CAPS2: variants seen among roughly 807,000 people sequenced by gnomAD.
The protein encoded by CAPS2 is calcyphosine 2.
A neutral mutation model predicts 86.5 loss-of-function variants in CAPS2; 98 were observed. The observed-to-expected ratio is 1.13, with a 90% CI of 0.96 to 1.34. The LOEUF is 1.34. CAPS2 is among the 40% of genes most tolerant of loss of function. The pLI is 0.00. For missense variants in CAPS2, 729 were observed against 686.8 expected (o/e 1.06, Z -0.69); for synonymous variants, 210 against 225.1 (o/e 0.93, Z 0.60).
chr12:75,383,203 A>G (rs2045097923), intron 1 of CAPS2, among the ~76,000 whole-genome samples: 1 of 152,210 alleles, frequency 6.6e-6, no homozygotes, highest in Non-Finnish European at 1.5e-5. Context: ...GAAGTATATA[A>G]TGGGAGCTGA....
At chr12:75,334,752 T>C (rs193047456), upstream of CAPS2, 66 of 1,613,888 alleles carry the variant, frequency 4.1e-5, no homozygotes, top group East Asian at 1.4e-3. Flanking sequence ...ATAAATTCAG[T>C]TGTTTATGGA....
rs1326822096 is a variant in CAPS2, at chr12:75,282,798, T to TA, written c.1516-452dup. On this transcript the variant is annotated intron_variant, in intron 15 of 16. Coordinates refer to ENST00000393284, the Ensembl canonical transcript of CAPS2. ...AGACATTTTAAAAGTACTATACTGATACACAAAAGAACAATTATAAATACA... is the reference window on the plus strand; with the variant it reads ...AGACATTTTAAAAGTACTATACTGATAACACAAAAGAACAATTATAAATACA... 2.6e-5 allele frequency among the ~76,000 whole-genome samples: 4 copies of TA among 152,314 alleles called. No homozygotes were observed. In the South Asian group the frequency reaches 8.3e-4, roughly 32 times the overall value.
exon 17 of CAPS2, chr12:75,277,509 C>G (rs955694612): frequency 1.1e-6 from 1 of 909,490 alleles, no homozygotes; most frequent in African/African-American, 1.8e-5. Context: ...ATTTTAATAA[C>G]CTAATTTTTA....
chr12:75,278,791 A>G (rs2033342896), exon 17 of CAPS2: 1 of 1,348,294 alleles, frequency 7.4e-7, no homozygotes, highest in Non-Finnish European at 9.5e-7. Flanking sequence ...GAATAAAGGA[A>G]GTCCTAGGAA....
chr12:75,337,261 T>C (rs2041799495), intron 1 of CAPS2, among the ~76,000 whole-genome samples: 1 of 151,684 alleles, frequency 6.6e-6, no homozygotes, highest in South Asian at 2.1e-4. Flanking sequence ...CATAATTTGA[T>C]GAAATTGAAA....
At chr12:75,276,812 T>C, downstream of CAPS2, 2 of 920,746 alleles carry the variant, frequency 2.2e-6, no homozygotes, top group Non-Finnish European at 2.6e-6. Flanking sequence ...TACATAACTA[T>C]AAAATTCATG....
At chr12:75,277,977 C>T in exon 17 of CAPS2, 1 of 885,098 alleles carries the variant, frequency 1.1e-6, no homozygotes, top group Non-Finnish European at 1.4e-6. Context: ...GAATATCATA[C>T]ATTCATTTTA....
intron 1 of CAPS2, among the ~76,000 whole-genome samples, chr12:75,387,163 G>T (rs2045333780): frequency 6.6e-6 from 1 of 152,078 alleles, no homozygotes; most frequent in Non-Finnish European, 1.5e-5. Context: ...GAAGATATAT[G>T]CAATAAAAAC....
intron 10 of CAPS2, 22 bp from the exon 11 acceptor site, chr12:75,298,802 A>C (rs770749333): frequency 5.6e-6 from 9 of 1,607,150 alleles, no homozygotes; most frequent in Non-Finnish European, 6.0e-6. Flanking sequence ...ATGAAAAAAA[A>C]ATGGAAAGTT....
intron 1 of CAPS2, among the ~76,000 whole-genome samples, chr12:75,388,440 GA>G (rs1212502543): frequency 2.0e-5 from 3 of 152,058 alleles, no homozygotes; most frequent in African/African-American, 7.2e-5. Flanking sequence ...TCCAGAAAAT[GA>G]AAAATTATTC....
chr12:75,364,382 A>T (rs561460581), intron 1 of CAPS2, among the ~76,000 whole-genome samples: 1 of 152,356 alleles, frequency 6.6e-6, no homozygotes, highest in Non-Finnish European at 1.5e-5. Flanking sequence ...CATAGGCAAG[A>T]TCAATGGCCA....
chr12:75,311,699 GGAAAAAAA>G (rs1365897198), intron 7 of CAPS2, among the ~76,000 whole-genome samples: 2 of 16,994 alleles, frequency 1.2e-4, no homozygotes, highest in African/African-American at 2.5e-4. Context: ...AAGCCATGCA[GGAAAAAAA>G]AAAACAAAAA....
intron 1 of CAPS2, among the ~76,000 whole-genome samples, chr12:75,357,187 C>T (rs2043210068): frequency 6.6e-6 from 1 of 152,022 alleles, no homozygotes; most frequent in African/African-American, 2.4e-5. Flanking sequence ...GAGACTCCAT[C>T]GCTAAATAAA....
At chr12:75,328,278 A>C (rs1219473737), upstream of CAPS2, among the ~76,000 whole-genome samples, 1 of 152,230 alleles carries the variant, frequency 6.6e-6, no homozygotes, top group Non-Finnish European at 1.5e-5. Context: ...AACAATCAGC[A>C]AAGTGATTTT....
chr12:75,313,668 A>C (rs1010317603), intron 6 of CAPS2, among the ~76,000 whole-genome samples: 4 of 152,232 alleles, frequency 2.6e-5, no homozygotes, highest in African/African-American at 9.6e-5. Flanking sequence ...AGGTTAAAAA[A>C]TTAAGAGGTC....
intron 1 of CAPS2, chr12:75,369,742 G>A (rs1456803953): frequency 4.1e-6 from 4 of 984,952 alleles, no homozygotes; most frequent in African/African-American, 1.7e-5. Context: ...AACACTCAGA[G>A]GTGTTTTAGA....
At chr12:75,333,727 T>C (rs985312282), upstream of CAPS2, 1 of 152,226 alleles carries the variant, frequency 6.6e-6, no homozygotes, top group Admixed American at 6.5e-5. Context: ...CAAGGTTGAC[T>C]ATGGCGGATC....
intron 1 of CAPS2, among the ~76,000 whole-genome samples, chr12:75,349,767 A>G (rs2139421894): frequency 6.6e-6 from 1 of 152,338 alleles, no homozygotes; most frequent in African/African-American, 2.4e-5. Context: ...CAGGAGTTCA[A>G]GACTGCAGTG....
At chr12:75,366,987 A>C in intron 1 of CAPS2, 1 of 701,740 alleles carries the variant, frequency 1.4e-6, no homozygotes, top group African/African-American at 1.7e-5. Flanking sequence ...CAGTAACAAA[A>C]TGTCCTTTCT....
Sources: allele counts gnomAD v4.1 joint callset (sites outside exome capture counted in the v4.1 genomes callset), GRCh38; gene constraint gnomAD v4.1.1; transcripts MANE v1.5; gene names NCBI Gene and HGNC (gene_info 2026-07-23, HGNC 2026-07-21).